The following SCEL variants were observed in gnomAD, a reference collection of about 807,000 sequenced individuals.
SCEL encodes sciellin.
In SCEL, 113 loss-of-function variants were observed where a neutral mutation model predicts 117.6. The observed-to-expected ratio is 0.96, with a 90% CI of 0.83 to 1.12. The LOEUF (loss-of-function observed/expected upper bound fraction) is 1.12. Among genes scored for constraint, SCEL ranks in the 50% most tolerant of loss-of-function variants. SCEL has a pLI of 0.00. For synonymous variants in SCEL, 270 were observed against 256.2 expected (o/e 1.05, Z -0.51); for missense variants, 785 against 810.8 (o/e 0.97, Z 0.39).
intron 27 of SCEL, among the ~76,000 whole-genome samples, chr13:77,626,108 C>T (rs12868534): frequency 0.5 from 76,695 of 152,048 alleles, 20,861 homozygotes; most frequent in Non-Finnish European, 0.61. Context: ...CACAGTTTTA[C>T]GTGGCTGGGG....
At chr13:77,637,707 A>G (rs753568638) in intron 30 of SCEL, among the ~76,000 whole-genome samples, 2 of 152,114 alleles carry the variant, frequency 1.3e-5, no homozygotes, top group African/African-American at 2.4e-5. Flanking sequence ...TTGCATCCAT[A>G]GACTGTGCCA....
chr13:77,556,529 A>G, intron 2 of SCEL, 67 bp from the exon 3 acceptor site: 1 of 1,317,676 alleles, frequency 7.6e-7, no homozygotes, highest in Non-Finnish European at 1.1e-6. Flanking sequence ...CAGGATTTTC[A>G]GGTTAACAAG....
At chr13:77,568,255 TC>T (rs762310667) in intron 6 of SCEL, 39 bp from the exon 7 acceptor site, 1 of 1,354,690 alleles carries the variant, frequency 7.4e-7, no homozygotes, top group Non-Finnish European at 1.0e-6. Flanking sequence ...AAATGTTCAT[TC>T]TTCATTGTTC....
At chr13:77,616,556 A>C (rs1208243553) in intron 24 of SCEL, among the ~76,000 whole-genome samples, 1 of 152,054 alleles carries the variant, frequency 6.6e-6, no homozygotes, top group African/African-American at 2.4e-5. Flanking sequence ...CAAAACAGTG[A>C]AAATTCAGTT....
chr13:77,540,013 TTTC>T (rs2083615852), intron 1 of SCEL, among the ~76,000 whole-genome samples: 1 of 152,036 alleles, frequency 6.6e-6, no homozygotes, highest in East Asian at 1.9e-4. Context: ...TAAAGACAGT[TTTC>T]TTGAGGAAAA....
intron 9 of SCEL, among the ~76,000 whole-genome samples, chr13:77,584,417 C>G (rs1262362927): frequency 6.6e-6 from 1 of 152,142 alleles, no homozygotes; most frequent in Non-Finnish European, 1.5e-5. Flanking sequence ...AATGCATCAC[C>G]CTTGGAAATA....
At chr13:77,628,154 G>GTA (rs1361990949) in intron 28 of SCEL, 145 bp downstream of exon 28, 52 of 123,246 alleles carry the variant, frequency 4.2e-4, no homozygotes, top group African/African-American at 1.6e-3. Context: ...GTATATGTGT[G>GTA]TATATATATG....
At chr13:77,603,649 C>T (rs1801453557) in intron 18 of SCEL, among the ~76,000 whole-genome samples, 1 of 152,174 alleles carries the variant, frequency 6.6e-6, no homozygotes, top group Admixed American at 6.5e-5. Context: ...CTGTCTTCCC[C>T]TCCTGTCCCT....
intron 22 of SCEL, among the ~76,000 whole-genome samples, chr13:77,611,832 C>T (rs1016396149): frequency 1.3e-5 from 2 of 152,066 alleles, no homozygotes; most frequent in East Asian, 1.9e-4. Flanking sequence ...TGATCATGCT[C>T]GTGAAACACT....
chr13:77,613,018 T>C (rs2088777426), intron 23 of SCEL, 77 bp downstream of exon 23: 1 of 836,800 alleles, frequency 1.2e-6, no homozygotes, highest in African/African-American at 1.8e-5. Flanking sequence ...ATTATTTAAC[T>C]AAAGACATTT....
intron 27 of SCEL, among the ~76,000 whole-genome samples, chr13:77,619,864 C>A (rs1275900966): frequency 6.6e-6 from 1 of 152,096 alleles, no homozygotes; most frequent in South Asian, 2.1e-4. Flanking sequence ...CTCCCACATC[C>A]CCTTCCCAAC....
chr13:77,583,902 G>C (rs567814548), intron 9 of SCEL, among the ~76,000 whole-genome samples: 1 of 152,292 alleles, frequency 6.6e-6, no homozygotes, highest in African/African-American at 2.4e-5. Context: ...AAGTAATATA[G>C]ACAGCTTTCT....
rs1045399111 is a variant in SCEL, at chr13:77,609,104, A to G, written c.1264A>G (p.Lys422Glu). ...CATCAAAGTGTATCCAGGAACAGAA[A>G]AAAGTACTGAAGGGTAAGATTTAAT... Reference protein sequence around the residue: ...NFIKVYPGTEKSTEGGQSLDS... With the variant: ...NFIKVYPGTEESTEGGQSLDS... Residue 422 changes from lysine to glutamate, a missense_variant, in exon 21 of 33, where the codon AAA becomes GAA. Transcript: ENST00000349847. 16 of 1,598,630 alleles carry G rather than the reference A, an allele frequency of 1.0e-5. No homozygotes were observed. In the African/African-American group the frequency reaches 2.2e-4, roughly 22 times the overall value.
At chr13:77,564,835 T>C (rs2085195749) in intron 5 of SCEL, among the ~76,000 whole-genome samples, 1 of 152,206 alleles carries the variant, frequency 6.6e-6, no homozygotes, top group South Asian at 2.1e-4. Context: ...TTCCTAGGCT[T>C]TCAAGTCAGT....
intron 1 of SCEL, among the ~76,000 whole-genome samples, chr13:77,547,287 A>G (rs374798208): frequency 1.3e-5 from 2 of 152,232 alleles, no homozygotes; most frequent in East Asian, 1.9e-4. Context: ...AGGAATTCTT[A>G]AAGTAAAATT....
rs1478614308 is a variant in SCEL, at chr13:77,567,742, C to A, written c.353C>A (p.Thr118Asn). 2 of 1,591,430 alleles carry A rather than the reference C, an allele frequency of 1.3e-6. No homozygotes were observed. The highest frequency in any genetic ancestry group is 2.7e-5 in the African/African-American group (2 of 74,166). Residue 118 changes from threonine to asparagine, a missense_variant, in exon 6 of 33, where the codon ACC (threonine) becomes AAC (asparagine). Thr to Asn is a moderately conservative substitution (Grantham distance 65). Transcript: ENST00000349847. ...YKANTLDNQLTNRSMSMFRSL... is the reference protein window; with the variant it reads ...YKANTLDNQLNNRSMSMFRSL... ...GCCAATACCTTGGATAACCAACTAA[C>A]CAATAGGTACCAGTATCTACTAACT... is the stretch of plus-strand genomic sequence containing the variant.
At chr13:77,546,133 G>T (rs1329537776) in intron 1 of SCEL, among the ~76,000 whole-genome samples, 1 of 152,216 alleles carries the variant, frequency 6.6e-6, no homozygotes, top group Non-Finnish European at 1.5e-5. Flanking sequence ...TGGCTGCAGT[G>T]TGTTCATTGG....
At chr13:77,580,333 C>A (rs1253494986) in intron 9 of SCEL, among the ~76,000 whole-genome samples, 1 of 152,180 alleles carries the variant, frequency 6.6e-6, no homozygotes, top group African/African-American at 2.4e-5. Flanking sequence ...GGGATGTCTT[C>A]ATTTTTCAAG....
intron 27 of SCEL, 107 bp from the exon 28 acceptor site, chr13:77,627,840 C>G (rs148157859): frequency 3.0e-6 from 1 of 335,582 alleles, no homozygotes; most frequent in Non-Finnish European, 5.5e-6. Context: ...TGATAGACCA[C>G]AAATGACTGT....
Sources: allele counts gnomAD v4.1 joint callset (sites outside exome capture counted in the v4.1 genomes callset), GRCh38; gene constraint gnomAD v4.1.1; transcripts MANE v1.5; gene names NCBI Gene and HGNC (gene_info 2026-07-23, HGNC 2026-07-21).